ARMC10: variants seen among roughly 807,000 people sequenced by gnomAD.
The protein encoded by ARMC10 is armadillo repeat-containing protein 10.
Under a neutral mutation model 30.2 loss-of-function variants are expected in ARMC10, and 23 were observed. That is an observed-to-expected ratio of 0.76 (90% CI 0.55 to 1.08). ARMC10 has a LOEUF of 1.08. Among genes scored for constraint, ARMC10 ranks in the 50% least tolerant of loss-of-function variants. The pLI is 0.00. For synonymous variants in ARMC10, 111 were observed against 164.4 expected (o/e 0.68, Z 2.48); for missense variants, 303 against 413.7 (o/e 0.73, Z 2.32).
At chr7:103,094,667 A>C (rs771454885) in intron 5 of ARMC10, among the ~76,000 whole-genome samples, 1 of 152,078 alleles carries the variant, frequency 6.6e-6, no homozygotes, top group Non-Finnish European at 1.5e-5. Flanking sequence ...TTTTTTCCTA[A>C]CACTTATTCC....
intron 5 of ARMC10, among the ~76,000 whole-genome samples, chr7:103,094,025 T>C (rs1463952886): frequency 6.6e-6 from 1 of 152,240 alleles, no homozygotes; most frequent in Non-Finnish European, 1.5e-5. Context: ...TGATTTTCCA[T>C]AAAAATTGAG....
intron 5 of ARMC10, 186 bp from the exon 6 acceptor site, chr7:103,097,091 A>G (rs1801818377): frequency 1.6e-6 from 1 of 606,654 alleles, no homozygotes; most frequent in Non-Finnish European, 2.9e-6. Context: ...CAAGTGTTAT[A>G]AGAGTTCAGA....
intron 2 of ARMC10, among the ~76,000 whole-genome samples, chr7:103,080,626 T>C (rs1480019994): frequency 6.6e-6 from 1 of 151,298 alleles, no homozygotes; most frequent in African/African-American, 2.4e-5. Flanking sequence ...TTTTATTTTT[T>C]ATTTATTCAT....
chr7:103,094,418 A>T (rs1801602814), intron 5 of ARMC10, among the ~76,000 whole-genome samples: 1 of 152,168 alleles, frequency 6.6e-6, no homozygotes, highest in African/African-American at 2.4e-5. Flanking sequence ...CTGTATATAT[A>T]TTTTTTTCTC....
rs193297757 is a variant in ARMC10 at position 103,077,778 on chromosome 7, G to C, written c.244+1897G>C. 1.8e-3 allele frequency among the ~76,000 whole-genome samples: 272 copies of C among 151,692 alleles called. 4 individuals are homozygous for C. Among genetic ancestry groups the C allele is most frequent in the Admixed American group, 0.015 (235 of 15,276 alleles). The stretch of plus-strand genomic sequence containing the variant: ...ACATTGGGAAGGTGTCCTGGACTCA[G>C]ATATCTTCTCAGTTATACTGACTCA... On this transcript the variant is annotated intron_variant, in intron 2 of 6. Coordinates refer to ENST00000323716, the MANE Select transcript of ARMC10 (RefSeq NM_031905.5).
At chr7:103,084,059 A>G (rs1007087990) in intron 3 of ARMC10, 1 of 1,483,950 alleles carries the variant, frequency 6.7e-7, no homozygotes, top group Non-Finnish European at 9.0e-7. Context: ...CTGGCATCAC[A>G]TTCGTAAGTA....
chr7:103,085,660 C>T (rs930511949), intron 3 of ARMC10, among the ~76,000 whole-genome samples: 15 of 147,556 alleles, frequency 1.0e-4, no homozygotes, highest in East Asian at 2.0e-4. Flanking sequence ...CTCTGTTGCA[C>T]GGGCTGGAGT....
chr7:103,084,531 C>CT (rs1212192395), intron 3 of ARMC10, among the ~76,000 whole-genome samples: 1 of 152,150 alleles, frequency 6.6e-6, no homozygotes, highest in Non-Finnish European at 1.5e-5. Context: ...ATTATGTACT[C>CT]TTTCAGTTAT....
chr7:103,086,679 A>T lies in ARMC10; in HGVS notation c.443A>T (p.Asn148Ile). 1.9e-6 allele frequency: 3 copies of T among 1,594,378 alleles called. No homozygotes were observed. The highest frequency in any genetic ancestry group is 2.6e-6 in the Non-Finnish European group (3 of 1,175,536). ...ATTCCAATTGTTGCAAACAAAATCA[A>T]CCATTCCAACCAGAGTATTAAAGAG... Reference protein sequence around the residue: ...GGIPIVANKINHSNQSIKEKA... With the variant: ...GGIPIVANKIIHSNQSIKEKA... Residue 148 changes from asparagine (N) to isoleucine (I), a missense_variant, in exon 4 of 7, where the codon AAC (asparagine) becomes ATC (isoleucine). Coordinates refer to ENST00000323716, the MANE Select transcript of ARMC10 (RefSeq NM_031905.5).
intron 4 of ARMC10, among the ~76,000 whole-genome samples, chr7:103,087,380 C>T (rs1800950399): frequency 6.6e-6 from 1 of 152,150 alleles, no homozygotes; most frequent in Non-Finnish European, 1.5e-5. Context: ...AAAATGCTAA[C>T]CTACGTTACT....
intron 2 of ARMC10, among the ~76,000 whole-genome samples, chr7:103,082,691 T>A (rs1353176489): frequency 6.6e-6 from 1 of 152,128 alleles, no homozygotes; most frequent in Non-Finnish European, 1.5e-5. Context: ...CCTATTGTTG[T>A]GTAACCTCCT....
Position 103,099,708 on chromosome 7 carries a change from T to A in ARMC10, c.*1155T>A, listed in dbSNP as rs1802109976. The A allele has an allele frequency of 6.6e-6, 1 of 151,972 alleles. No homozygotes were observed. Among genetic ancestry groups the A allele is most frequent in the African/African-American group, 2.4e-5 (1 of 41,390 alleles). The allele number at this position is 151,972 out of a possible 1,614,324, so 9.4% of individuals were successfully genotyped here. On this transcript the variant is annotated 3_prime_UTR_variant, in exon 7 of 7. Coordinates refer to ENST00000323716, the MANE Select transcript of ARMC10 (RefSeq NM_031905.5). ...ACACTGTTCTACTGTTTGAATTTTT[T>A]AATATGAGCCCAAATTGTATAATCT...
chr7:103,092,743 T>C, intron 5 of ARMC10, 90 bp downstream of exon 5: 1 of 975,476 alleles, frequency 1.0e-6, no homozygotes, highest in South Asian at 3.2e-5. Context: ...AAGAGGAAGA[T>C]TTATTAAAAA....
chr7:103,097,002 C>G (rs1296682990), intron 5 of ARMC10: 2 of 459,552 alleles, frequency 4.4e-6, no homozygotes, highest in Admixed American at 3.4e-5. Flanking sequence ...GCAATATTCT[C>G]TCTATCTCCC....
intron 4 of ARMC10, 105 bp from the exon 5 acceptor site, chr7:103,092,372 G>C (rs921797486): frequency 2.2e-5 from 13 of 584,818 alleles, no homozygotes; most frequent in Non-Finnish European, 3.2e-5. Context: ...TTGAGGAGTC[G>C]GTTCCATCCT....
At chr7:103,079,331 GA>G (rs1004429026) in intron 2 of ARMC10, among the ~76,000 whole-genome samples, 4 of 148,696 alleles carry the variant, frequency 2.7e-5, no homozygotes, top group African/African-American at 7.4e-5. Context: ...GAAGCTCGGG[GA>G]AAAAAAAAGA....
In ARMC10 at chr7:103,075,778, T is replaced by C; in HGVS notation, c.141T>C (p.Gly47=). The C allele has an allele frequency of 6.2e-7, 1 of 1,605,780 alleles. No individual in the cohort carries two copies. Among genetic ancestry groups the C allele is most frequent in the Non-Finnish European group, 8.5e-7 (1 of 1,176,236 alleles). The change falls in exon 2 of 7, where the codon GGT becomes GGC. Residue 47 remains glycine, a splice_region_variant and synonymous_variant. Transcript: ENST00000323716. ...ELGIRSSKSA[G]ALEEGTSEGQ... ...CCATAGGTCAATCTCTGCTTGCAGG[T>C]GCCCTGGAAGAAGGGACGTCAGAGG...
chr7:103,075,458 G>T, intron 1 of ARMC10, 47 bp downstream of exon 1: 1 of 1,275,474 alleles, frequency 7.8e-7, no homozygotes, highest in Non-Finnish European at 9.9e-7. Context: ...TGGGCAGGGG[G>T]GCTCCCCAGG....
chr7:103,098,163 T>G, intron 6 of ARMC10, 136 bp from the exon 7 acceptor site: 6 of 1,023,630 alleles, frequency 5.9e-6, no homozygotes, highest in Non-Finnish European at 7.7e-6. Context: ...TTTTTTAATG[T>G]GAGATACATT....
Sources: gnomAD v4.1 joint callset for allele counts (sites outside exome capture counted in the v4.1 genomes callset) on GRCh38, gnomAD v4.1.1 for gene constraint, MANE v1.5 for transcripts, NCBI Gene and HGNC (gene_info 2026-07-23, HGNC 2026-07-21) for gene names.